The following COMMD10 variants were observed in gnomAD, a reference collection of about 807,000 sequenced individuals.
The protein encoded by COMMD10 is COMM domain containing 10.
Under a neutral mutation model 28.9 loss-of-function variants are expected in COMMD10, and 33 were observed. That is an observed-to-expected ratio of 1.14 (90% CI 0.87 to 1.53). The LOEUF is 1.53. Ranked by LOEUF, COMMD10 falls within the 40% of genes most tolerant of loss-of-function variation. COMMD10 has a pLI of 0.00. For missense variants in COMMD10, 310 were observed against 233.4 expected (o/e 1.33, Z -2.14); for synonymous variants, 110 against 81.7 (o/e 1.35, Z -1.87).
At chr5:116,100,742 C>T (rs1456273732) in intron 4 of COMMD10, among the ~76,000 whole-genome samples, 3 of 151,248 alleles carry the variant, frequency 2.0e-5, no homozygotes, top group Admixed American at 1.3e-4. Context: ...AAAATTTCAT[C>T]TCATCTCACT....
chr5:116,180,141 G>T (rs79182726), intron 5 of COMMD10, among the ~76,000 whole-genome samples: 2,431 of 152,098 alleles, frequency 0.016, 66 homozygotes, highest in African/African-American at 0.056. Flanking sequence ...TGAATTTAGG[G>T]TTAATTGATT....
chr5:116,212,830 A>G (rs1209809387), intron 5 of COMMD10, among the ~76,000 whole-genome samples: 1 of 152,056 alleles, frequency 6.6e-6, no homozygotes, highest in Admixed American at 6.6e-5. Context: ...AAACTGTGGA[A>G]TATTCTGTAT....
chr5:116,097,179 G>A (rs1457164292), intron 4 of COMMD10, among the ~76,000 whole-genome samples: 1 of 151,946 alleles, frequency 6.6e-6, no homozygotes, highest in Admixed American at 6.6e-5. Context: ...TAAAGAAGTT[G>A]GAATGATCTG....
At chr5:116,236,817 T>C (rs1299438345) in intron 5 of COMMD10, among the ~76,000 whole-genome samples, 1 of 152,168 alleles carries the variant, frequency 6.6e-6, no homozygotes, top group Non-Finnish European at 1.5e-5. Flanking sequence ...TGGACGTTGG[T>C]TGATTATGAT....
chr5:116,095,610 A>G (rs760145477), intron 4 of COMMD10, among the ~76,000 whole-genome samples: 15 of 152,092 alleles, frequency 9.9e-5, no homozygotes, highest in Non-Finnish European at 1.8e-4. Flanking sequence ...TATCTTTCCC[A>G]GAACAGAACC....
intron 4 of COMMD10, among the ~76,000 whole-genome samples, chr5:116,093,491 C>T (rs557239663): frequency 1.3e-5 from 2 of 152,184 alleles, no homozygotes; most frequent in East Asian, 3.9e-4. Flanking sequence ...TCCTGTAATC[C>T]TAACTGTGGG....
intron 4 of COMMD10, among the ~76,000 whole-genome samples, chr5:116,093,965 G>C (rs1750385564): frequency 6.6e-6 from 1 of 152,124 alleles, no homozygotes; most frequent in African/African-American, 2.4e-5. Context: ...AGGAAAACTG[G>C]ATAACTATGC....
At chr5:116,260,978 G>A (rs1193709746) in intron 5 of COMMD10, among the ~76,000 whole-genome samples, 1 of 151,604 alleles carries the variant, frequency 6.6e-6, no homozygotes, top group Non-Finnish European at 1.5e-5. Context: ...CTGTGCGATT[G>A]GTTTTGTATG....
chr5:116,107,042 C>T (rs1750862151), intron 4 of COMMD10, among the ~76,000 whole-genome samples: 1 of 151,968 alleles, frequency 6.6e-6, no homozygotes. Context: ...GGTTATTTTG[C>T]CCATTAGGGT....
At chr5:116,264,417 C>T (rs898359764) in intron 5 of COMMD10, among the ~76,000 whole-genome samples, 1 of 151,806 alleles carries the variant, frequency 6.6e-6, no homozygotes, top group Non-Finnish European at 1.5e-5. Context: ...AAATCTAGGT[C>T]TGTAATTTGA....
chr5:116,110,034 A>T (rs1023925013), intron 4 of COMMD10, among the ~76,000 whole-genome samples: 2 of 152,182 alleles, frequency 1.3e-5, no homozygotes, highest in African/African-American at 4.8e-5. Context: ...TAATATTATG[A>T]TGCATATTTC....
intron 5 of COMMD10, among the ~76,000 whole-genome samples, chr5:116,176,255 G>A (rs1263739074): frequency 4.6e-5 from 7 of 152,162 alleles, no homozygotes; most frequent in Non-Finnish European, 8.8e-5. Flanking sequence ...GAGATTACAG[G>A]CATGTGCCAC....
chr5:116,264,550 A>G (rs960497325), intron 5 of COMMD10, among the ~76,000 whole-genome samples: 20 of 151,844 alleles, frequency 1.3e-4, no homozygotes. Context: ...CATTAACTAC[A>G]AAGTCACGTA....
chr5:116,284,948 T>A (rs1177339507), intron 5 of COMMD10, among the ~76,000 whole-genome samples: 2 of 151,974 alleles, frequency 1.3e-5, no homozygotes, highest in Admixed American at 1.3e-4. Context: ...GTGTTCAAAC[T>A]GAAGATAAAT....
chr5:116,194,701 T>C (rs1366839282), intron 5 of COMMD10, among the ~76,000 whole-genome samples: 2 of 151,990 alleles, frequency 1.3e-5, no homozygotes, highest in Non-Finnish European at 2.9e-5. Flanking sequence ...ACAAGAGAAG[T>C]CCAGGACCAG....
intron 5 of COMMD10, among the ~76,000 whole-genome samples, chr5:116,261,580 A>G (rs568358092): frequency 1.1e-4 from 16 of 151,898 alleles, no homozygotes; most frequent in African/African-American, 3.6e-4. Context: ...CTTACTTGAC[A>G]TCTTTCTGGT....
At chr5:116,287,211 A>C (rs1751240352) in intron 5 of COMMD10, among the ~76,000 whole-genome samples, 1 of 151,718 alleles carries the variant, frequency 6.6e-6, no homozygotes, top group Non-Finnish European at 1.5e-5. Context: ...TTTTCAAAAA[A>C]CTGTGACAAC....
intron 5 of COMMD10, among the ~76,000 whole-genome samples, chr5:116,252,425 G>C (rs1046362861): frequency 1.5e-5 from 2 of 130,042 alleles, no homozygotes; most frequent in African/African-American, 6.0e-5. Context: ...GGGTTTTTAT[G>C]GTTTTAGGTC....
At position 116,270,602 on chromosome 5, in the gene COMMD10, A is replaced by T. The variant is rs1015677020; in HGVS notation, c.511-20915A>T. On this transcript the variant is annotated intron_variant, in intron 5 of 6. Transcript: ENST00000274458. ...GGCATGGGGACTAGAAAGAACAGGG[A>T]TGCTGCTGCTTTGTATAATCATTCC... is the stretch of plus-strand genomic sequence containing the variant. 5.3e-5 allele frequency among the ~76,000 whole-genome samples: 8 copies of T among 152,002 alleles called. No homozygotes were observed. In the East Asian group the frequency reaches 1.4e-3, roughly 26 times the overall value.
Sources: gnomAD v4.1 joint callset for allele counts (sites outside exome capture counted in the v4.1 genomes callset) on GRCh38, gnomAD v4.1.1 for gene constraint, MANE v1.5 for transcripts, NCBI Gene and HGNC (gene_info 2026-07-23, HGNC 2026-07-21) for gene names.